VTI1A: variants seen among roughly 807,000 people sequenced by gnomAD.
VTI1A encodes the protein vesicle transport through interaction with t-SNAREs homolog 1A.
Under a neutral mutation model 34.9 loss-of-function variants are expected in VTI1A, and 22 were observed. The ratio of observed to expected loss-of-function variants is 0.63; its 90% CI spans 0.45 to 0.90. The LOEUF is 0.90. VTI1A is among the 40% of genes least tolerant of loss of function. The pLI, the probability that VTI1A is intolerant of heterozygous loss-of-function variation, is 0.00. For missense variants in VTI1A, 268 were observed against 275.6 expected (o/e 0.97, Z 0.20); for synonymous variants, 87 against 97.3 (o/e 0.89, Z 0.62).
chr10:112,713,954 C>T (rs969016605), intron 7 of VTI1A, among the ~76,000 whole-genome samples: 6 of 152,110 alleles, frequency 3.9e-5, no homozygotes, highest in Admixed American at 1.3e-4. Context: ...AAGAGGTCTT[C>T]GGTGCTCCCC....
chr10:112,667,626 G>C (rs184372671), intron 5 of VTI1A, among the ~76,000 whole-genome samples: 1 of 152,132 alleles, frequency 6.6e-6, no homozygotes, highest in Admixed American at 6.6e-5. Context: ...GAGAAGAAAT[G>C]CACCTCACCT....
At chr10:112,549,836 A>T (rs961516789) in intron 5 of VTI1A, among the ~76,000 whole-genome samples, 5 of 152,162 alleles carry the variant, frequency 3.3e-5, no homozygotes, top group African/African-American at 1.2e-4. Flanking sequence ...TTACAAGCCT[A>T]TTAAAGTCTG....
chr10:112,846,634 C>T, the VTI1A span, among the ~76,000 whole-genome samples: 17 of 152,104 alleles, frequency 1.1e-4, no homozygotes, highest in African/African-American at 2.4e-4. Flanking sequence ...GACATGGTGG[C>T]GGGCACCTGT....
chr10:112,784,906 T>C (rs1277478284), intron 7 of VTI1A, among the ~76,000 whole-genome samples: 1 of 152,208 alleles, frequency 6.6e-6, no homozygotes, highest in East Asian at 1.9e-4. Flanking sequence ...CCATCGTACG[T>C]ATTTCTGCAT....
chr10:112,568,908 A>G (rs1235288890), intron 5 of VTI1A, among the ~76,000 whole-genome samples: 1 of 151,948 alleles, frequency 6.6e-6, no homozygotes, highest in Non-Finnish European at 1.5e-5. Flanking sequence ...TGATCCCAAC[A>G]CTTTGGGGGG....
intron 5 of VTI1A, among the ~76,000 whole-genome samples, chr10:112,581,147 A>G (rs1843917241): frequency 6.6e-6 from 1 of 152,166 alleles, no homozygotes; most frequent in Non-Finnish European, 1.5e-5. Context: ...AGAAGATGGA[A>G]CACAGGGAGG....
chr10:112,751,919 G>C (rs1376586277), intron 7 of VTI1A, among the ~76,000 whole-genome samples: 1 of 152,228 alleles, frequency 6.6e-6, no homozygotes, highest in African/African-American at 2.4e-5. Context: ...ACATGGTGGT[G>C]TGGTAGGCAG....
chr10:112,493,728 G>T (rs1336201273), intron 3 of VTI1A, among the ~76,000 whole-genome samples: 1 of 152,122 alleles, frequency 6.6e-6, no homozygotes, highest in African/African-American at 2.4e-5. Flanking sequence ...AGATGGTCAT[G>T]TTGTTTTTGC....
At chr10:112,618,086 G>A (rs779228789) in intron 5 of VTI1A, among the ~76,000 whole-genome samples, 9 of 152,118 alleles carry the variant, frequency 5.9e-5, no homozygotes, top group Middle Eastern at 3.4e-3. Context: ...CCCGGGAGGC[G>A]GAGGTTGCAG....
At chr10:112,675,798 C>T (rs930021024) in intron 7 of VTI1A, among the ~76,000 whole-genome samples, 1 of 152,164 alleles carries the variant, frequency 6.6e-6, no homozygotes, top group Non-Finnish European at 1.5e-5. Context: ...CGTCCAGAGG[C>T]ATATGTCCCA....
At chr10:112,798,592 C>A (rs940809734) in intron 7 of VTI1A, among the ~76,000 whole-genome samples, 1 of 152,128 alleles carries the variant, frequency 6.6e-6, no homozygotes, top group African/African-American at 2.4e-5. Context: ...AAATACAGGA[C>A]CTGAGAGAGT....
At chr10:112,513,675 A>AT (rs1231128286) in intron 3 of VTI1A, among the ~76,000 whole-genome samples, 1 of 151,856 alleles carries the variant, frequency 6.6e-6, no homozygotes, top group African/African-American at 2.4e-5. Context: ...TATGGGTTTT[A>AT]TATTTATAGA....
intron 7 of VTI1A, among the ~76,000 whole-genome samples, chr10:112,708,660 C>T (rs1182225844): frequency 6.6e-6 from 1 of 152,204 alleles, no homozygotes; most frequent in African/African-American, 2.4e-5. Flanking sequence ...ACCAGCTATT[C>T]TAAGTAAGAA....
intron 7 of VTI1A, among the ~76,000 whole-genome samples, chr10:112,689,971 TAG>T (rs1300205594): frequency 6.6e-6 from 1 of 152,240 alleles, no homozygotes; most frequent in East Asian, 1.9e-4. Context: ...TTCCTGACAT[TAG>T]AGTTTTGCCT....
chr10:112,519,535 A>C (rs953138138), intron 3 of VTI1A, among the ~76,000 whole-genome samples: 1 of 152,104 alleles, frequency 6.6e-6, no homozygotes. Flanking sequence ...CAGAAACAAA[A>C]CCTTTAGACT....
chr10:112,698,684 C>T (rs1299414361), intron 7 of VTI1A, among the ~76,000 whole-genome samples: 1 of 152,232 alleles, frequency 6.6e-6, no homozygotes, highest in African/African-American at 2.4e-5. Context: ...CGTGTTTGAA[C>T]TGATGTTTTA....
chr10:112,695,523 G>C (rs1214165975), intron 7 of VTI1A, among the ~76,000 whole-genome samples: 1 of 152,206 alleles, frequency 6.6e-6, no homozygotes, highest in Non-Finnish European at 1.5e-5. Context: ...CTCAGTGTCA[G>C]CCTGGGACAT....
intron 3 of VTI1A, among the ~76,000 whole-genome samples, chr10:112,492,935 C>T (rs989203300): frequency 1.3e-5 from 2 of 152,076 alleles, no homozygotes; most frequent in African/African-American, 4.8e-5. Context: ...GGCTCCCTCA[C>T]GATCATGTGC....
chr10:112,544,823 A>G (rs1390056638), intron 5 of VTI1A, among the ~76,000 whole-genome samples: 2 of 152,186 alleles, frequency 1.3e-5, no homozygotes, highest in Non-Finnish European at 2.9e-5. Context: ...TTCAGGCAAC[A>G]GAAAGAAAAC....
Sources: gnomAD v4.1 joint callset for allele counts (sites outside exome capture counted in the v4.1 genomes callset) on GRCh38, gnomAD v4.1.1 for gene constraint, MANE v1.5 for transcripts, NCBI Gene and HGNC (gene_info 2026-07-23, HGNC 2026-07-21) for gene names.